ETV6: variants seen among roughly 807,000 people sequenced by gnomAD.
ETV6 encodes the protein ETS variant transcription factor 6.
In ETV6, 16 loss-of-function variants were observed where a neutral mutation model predicts 51.1. The observed-to-expected ratio is 0.31, with a 90% CI of 0.21 to 0.48. ETV6 has a LOEUF of 0.48. ETV6 is among the 20% of genes least tolerant of loss of function. The pLI, the probability that ETV6 is intolerant of heterozygous loss-of-function variation, is 0.99. For missense variants in ETV6, 458 were observed against 594.8 expected, an observed-to-expected ratio of 0.77 and a Z score of 2.39; for synonymous variants, 240 against 224.1, an observed-to-expected ratio of 1.07 and a Z score of -0.64.
chr12:11,723,911 A>T (rs965758137), intron 1 of ETV6, among the ~76,000 whole-genome samples: 1 of 149,882 alleles, frequency 6.7e-6, no homozygotes, highest in African/African-American at 2.5e-5. Context: ...CAGGAAGAGC[A>T]TAGGAGTCCT....
At chr12:11,757,560 TTC>T (rs1276745848) in intron 2 of ETV6, among the ~76,000 whole-genome samples, 11 of 152,210 alleles carry the variant, frequency 7.2e-5, no homozygotes, top group African/African-American at 2.4e-4. Flanking sequence ...GTGCTATTGA[TTC>T]TGTTTGATGA....
intron 1 of ETV6, among the ~76,000 whole-genome samples, chr12:11,705,921 CCTTGAAT>C (rs1565492996): frequency 6.6e-6 from 1 of 152,190 alleles, no homozygotes; most frequent in Non-Finnish European, 1.5e-5. Context: ...AAAGCAGGAG[CCTTGAAT>C]CTAGATTTTT....
At chr12:11,710,484 G>C (rs990001854) in intron 1 of ETV6, among the ~76,000 whole-genome samples, 1 of 152,126 alleles carries the variant, frequency 6.6e-6, no homozygotes, top group South Asian at 2.1e-4. Context: ...CTATCATCTT[G>C]TTCATTTTGC....
rs142593004 is a variant in ETV6, at chr12:11,835,160, A to AG, written c.164-3976dup. ...ACAATATACTGGACCTACTCGGGAG[A>AG]GGGGAGAAGTACAGTAGAATTTTTA... On this transcript the variant is annotated intron_variant, in intron 2 of 7. Coordinates refer to ENST00000396373, the MANE Select transcript of ETV6 (RefSeq NM_001987.5). 4.5e-4 allele frequency among the ~76,000 whole-genome samples: 69 copies of AG among 152,306 alleles called. No homozygotes were observed. The East Asian group carries it at 0.013, about 29-fold the overall frequency.
chr12:11,855,808 C>T (rs1946625759), intron 4 of ETV6, among the ~76,000 whole-genome samples: 1 of 152,136 alleles, frequency 6.6e-6, no homozygotes. Flanking sequence ...CTGCCCTCCT[C>T]CCCCAATTCA....
chr12:11,764,815 G>A (rs372292184), intron 2 of ETV6, among the ~76,000 whole-genome samples: 2 of 152,150 alleles, frequency 1.3e-5, no homozygotes, highest in African/African-American at 2.4e-5. Flanking sequence ...TATGGTAGGC[G>A]CTTTTCACAT....
chr12:11,753,337 T>C (rs1866076243), intron 2 of ETV6, among the ~76,000 whole-genome samples: 1 of 152,212 alleles, frequency 6.6e-6, no homozygotes, highest in Admixed American at 6.5e-5. Context: ...CCTTTTTGTC[T>C]GCCTTTCTCA....
At chr12:11,714,231 A>T (rs1865227486) in intron 1 of ETV6, among the ~76,000 whole-genome samples, 1 of 152,188 alleles carries the variant, frequency 6.6e-6, no homozygotes, top group South Asian at 2.1e-4. Flanking sequence ...AAAGAAAGAG[A>T]GGCAAGGGAA....
At chr12:11,827,303 C>G (rs1199761849) in intron 2 of ETV6, among the ~76,000 whole-genome samples, 1 of 151,964 alleles carries the variant, frequency 6.6e-6, no homozygotes, top group African/African-American at 2.4e-5. Context: ...AGATTCGACA[C>G]CCAAAGGCAA....
At chr12:11,706,980 G>C (rs1018718147) in intron 1 of ETV6, among the ~76,000 whole-genome samples, 2 of 152,224 alleles carry the variant, frequency 1.3e-5, no homozygotes, top group African/African-American at 4.8e-5. Flanking sequence ...AGACAAACCT[G>C]TATTTTGTAG....
chr12:11,756,818 C>T (rs567013525), intron 2 of ETV6, among the ~76,000 whole-genome samples: 91 of 152,336 alleles, frequency 6.0e-4, no homozygotes, highest in African/African-American at 2.1e-3. Flanking sequence ...GGGCCTCAGA[C>T]AGTGATGCTC....
chr12:11,866,561 TA>T (rs1946793347), intron 4 of ETV6, among the ~76,000 whole-genome samples: 1 of 152,204 alleles, frequency 6.6e-6, no homozygotes, highest in Non-Finnish European at 1.5e-5. Context: ...TACGTTTCAT[TA>T]GGTCCAATCT....
At chr12:11,873,289 T>G (rs548420147) in intron 5 of ETV6, among the ~76,000 whole-genome samples, 5 of 152,260 alleles carry the variant, frequency 3.3e-5, no homozygotes, top group South Asian at 2.1e-4. Context: ...ACACAAGAGT[T>G]TTAAGCACCT....
chr12:11,665,154 C>G (rs913032595), intron 1 of ETV6, among the ~76,000 whole-genome samples: 1 of 152,156 alleles, frequency 6.6e-6, no homozygotes, highest in South Asian at 2.1e-4. Flanking sequence ...ACCACAGGCA[C>G]GTACCACCAC....
At chr12:11,846,126 T>C (rs552953509) in intron 3 of ETV6, among the ~76,000 whole-genome samples, 1 of 152,200 alleles carries the variant, frequency 6.6e-6, no homozygotes, top group East Asian at 1.9e-4. Context: ...GGACCGAAGC[T>C]TAGGGCTTCA....
intron 3 of ETV6, among the ~76,000 whole-genome samples, chr12:11,845,031 G>A (rs528919983): frequency 2.0e-5 from 3 of 152,096 alleles, no homozygotes; most frequent in Non-Finnish European, 2.9e-5. Flanking sequence ...AGGTTTCACC[G>A]TGTTGGCCAG....
intron 2 of ETV6, among the ~76,000 whole-genome samples, chr12:11,818,538 A>C (rs996097963): frequency 6.6e-6 from 1 of 151,888 alleles, no homozygotes; most frequent in African/African-American, 2.4e-5. Flanking sequence ...TCTCAAAAAA[A>C]AAAAAAAAAA....
At chr12:11,748,717 A>T (rs915652760) in intron 1 of ETV6, among the ~76,000 whole-genome samples, 1 of 152,136 alleles carries the variant, frequency 6.6e-6, no homozygotes, top group African/African-American at 2.4e-5. Context: ...GTATACACCT[A>T]TTTTACAGGG....
chr12:11,840,116 G>A (rs558756999), intron 3 of ETV6, among the ~76,000 whole-genome samples: 18 of 152,140 alleles, frequency 1.2e-4, no homozygotes, highest in Non-Finnish European at 2.2e-4. Flanking sequence ...AGTAGGACTC[G>A]TTTGAGGTAA....
Sources: gnomAD v4.1 joint callset for allele counts (sites outside exome capture counted in the v4.1 genomes callset) on GRCh38, gnomAD v4.1.1 for gene constraint, MANE v1.5 for transcripts, NCBI Gene and HGNC (gene_info 2026-07-23, HGNC 2026-07-21) for gene names.